Variants in CUX2 observed in about 807,000 individuals in gnomAD.
The protein encoded by CUX2 is homeobox protein cut-like 2.
In CUX2, 40 loss-of-function variants were observed where a neutral mutation model predicts 144.8. The ratio of observed to expected loss-of-function variants is 0.28; its 90% CI spans 0.21 to 0.36. CUX2 has a LOEUF of 0.36. CUX2 is among the 10% of genes least tolerant of loss of function. CUX2 has a pLI of 1.00. For synonymous variants in CUX2, 827 were observed against 875.6 expected, an observed-to-expected ratio of 0.94 and a Z score of 0.98; for missense variants, 1,615 against 1,994.0, an observed-to-expected ratio of 0.81 and a Z score of 3.62.
At position 111,347,575 on chromosome 12, in the gene CUX2, C is replaced by G. The variant is rs536169189; in HGVS notation, c.3711C>G (p.Asp1237Glu). The G allele has an allele frequency of 6.2e-7, 1 of 1,612,760 alleles. No individual in the cohort carries two copies. Among genetic ancestry groups the G allele is most frequent in the African/African-American group, 1.3e-5 (1 of 74,912 alleles). ...MLVEGTQDEPDLDPSGGPGIL... is the reference protein window; with the variant it reads ...MLVEGTQDEPELDPSGGPGIL... ...TGGAGGGGACCCAGGATGAGCCAGA[C>G]CTTGATCCAAGCGGGGGTCCTGGAA... Residue 1237 changes from aspartate to glutamate, a missense_variant, in exon 22 of 22, where the codon GAC becomes GAG. Asp to Glu is a conservative substitution (Grantham distance 45). Transcript: ENST00000261726.
At chr12:111,052,881 C>T (rs1870344056) in intron 1 of CUX2, among the ~76,000 whole-genome samples, 1 of 152,202 alleles carries the variant, frequency 6.6e-6, no homozygotes, top group Non-Finnish European at 1.5e-5. Flanking sequence ...GAGTTGATCT[C>T]ACTGTGATGG....
rs566617785 is a variant in CUX2, at chr12:111,304,039, C to T, written c.754-171C>T. ...TGCTATTTCTTGTCCCCAGCCCAGA[C>T]AGGGCTCTGTGACTGGTCTTCATAG... On this transcript the variant is annotated intron_variant, in intron 9 of 21. Transcript: ENST00000261726. The surrounding 1 kb of genome is among the most constrained non-coding windows in gnomAD (Gnocchi z 4.7). 1.0e-5 allele frequency: 6 copies of T among 580,776 alleles called. No homozygotes were observed. In the South Asian group the frequency reaches 1.3e-4, roughly 12 times the overall value. The allele number at this position is 580,776 out of a possible 1,614,324, so 36.0% of individuals were successfully genotyped here.
At chr12:111,341,011 G>A (rs973289537) in intron 20 of CUX2, among the ~76,000 whole-genome samples, 2 of 152,166 alleles carry the variant, frequency 1.3e-5, no homozygotes, top group Non-Finnish European at 2.9e-5. Context: ...GTACTCTCGT[G>A]GCAAAACTGC....
chr12:111,302,899 T>TAAAA (rs35454022), intron 9 of CUX2, among the ~76,000 whole-genome samples: 2 of 109,468 alleles, frequency 1.8e-5, no homozygotes, highest in Non-Finnish European at 4.0e-5. Context: ...GACTCTGTCT[T>TAAAA]AAAAAAAAAA....
intron 2 of CUX2, among the ~76,000 whole-genome samples, chr12:111,216,176 A>T (rs911277516): frequency 6.6e-6 from 1 of 152,184 alleles, no homozygotes; most frequent in African/African-American, 2.4e-5. Context: ...CCCTCCCAGA[A>T]TGCTCAGATA....
chr12:111,296,612 C>T, intron 8 of CUX2, 73 bp downstream of exon 8: 1 of 1,386,180 alleles, frequency 7.2e-7, no homozygotes, highest in Non-Finnish European at 1.0e-6. Context: ...TCTGACCCTC[C>T]AGTACTTGCC....
chr12:111,310,307 C>A lies in CUX2; in HGVS notation c.1525C>A (p.Pro509Thr), dbSNP rs1345506674. The change falls in exon 15 of 22, where the codon CCA becomes ACA. Residue 509 changes from proline to threonine, a missense_variant. By Grantham distance (38) the Pro-to-Thr change is conservative. Coordinates refer to ENST00000261726, the MANE Select transcript of CUX2 (RefSeq NM_015267.4). This position sits in a 1 kb window ranked among gnomAD's most constrained non-coding sequence, Gnocchi z 7.9. ...GGCGGGCGGCCTGCTGGTGTTCCCC[C>A]CAGCCTTCTATGGCGCCAAGCCCCC... The part of the protein sequence containing the change: ...GEAGGLLVFP[P>T]AFYGAKPPTA... 6.7e-7 allele frequency: 1 copy of A among 1,503,412 alleles called. No homozygotes were observed. Among genetic ancestry groups the A allele is most frequent in the South Asian group, 1.3e-5 (1 of 75,316 alleles). The allele number at this position is 1,503,412 out of a possible 1,614,324, so 93.1% of individuals were successfully genotyped here. A position where few individuals can be genotyped will look rare whatever the true frequency, so the allele number is the denominator to read the frequency against.
At chr12:111,065,331 TG>T (rs1870974432) in intron 1 of CUX2, among the ~76,000 whole-genome samples, 1 of 152,198 alleles carries the variant, frequency 6.6e-6, no homozygotes, top group Non-Finnish European at 1.5e-5. Context: ...TGCTCACCCT[TG>T]TTTTTTGGTT....
At chr12:111,197,820 A>G (rs1455203097) in intron 1 of CUX2, among the ~76,000 whole-genome samples, 2 of 152,170 alleles carry the variant, frequency 1.3e-5, no homozygotes, top group African/African-American at 4.8e-5. Flanking sequence ...GTGAAATAAC[A>G]CAGCCCCAAA....
rs1226889490 is a variant in CUX2 at position 111,312,383 on chromosome 12, G to A, written c.2002+182G>A. 6.6e-6 allele frequency among the ~76,000 whole-genome samples: 1 copy of A among 152,118 alleles called. No individual in the cohort carries two copies. Among genetic ancestry groups the A allele is most frequent in the Non-Finnish European group, 1.5e-5 (1 of 68,014 alleles). ...TGGCACTGCTCAGAACCCTGCCATGGTTCCACACAGCTCTCAACATAAAAT... is the reference window on the plus strand; with the variant it reads ...TGGCACTGCTCAGAACCCTGCCATGATTCCACACAGCTCTCAACATAAAAT... On this transcript the variant is annotated intron_variant, in intron 16 of 21. Transcript: ENST00000261726. This position sits in a 1 kb window ranked among gnomAD's most constrained non-coding sequence, Gnocchi z 4.3.
intron 1 of CUX2, among the ~76,000 whole-genome samples, chr12:111,105,311 A>C (rs1000649486): frequency 2.6e-5 from 4 of 152,170 alleles, no homozygotes; most frequent in Non-Finnish European, 5.9e-5. Flanking sequence ...TTTTGGAATG[A>C]TCAGCCATGG....
At chr12:111,283,480 G>A (rs879322576) in intron 4 of CUX2, among the ~76,000 whole-genome samples, 4 of 152,134 alleles carry the variant, frequency 2.6e-5, no homozygotes, top group Non-Finnish European at 4.4e-5. Context: ...AATAATAAGA[G>A]CAGCACTCAT....
chr12:111,087,366 CAAAAAAAAAAAAA>C (rs1159500448), intron 1 of CUX2, among the ~76,000 whole-genome samples: 3 of 45,052 alleles, frequency 6.7e-5, no homozygotes, highest in East Asian at 5.3e-4. Flanking sequence ...GACTCCATCT[CAAAAAAAAAAAAA>C]AAAAAAAAAA....
At chr12:111,164,460 C>G (rs1877993710) in intron 1 of CUX2, among the ~76,000 whole-genome samples, 1 of 152,004 alleles carries the variant, frequency 6.6e-6, no homozygotes, top group African/African-American at 2.4e-5. Flanking sequence ...CTTGTAATCC[C>G]AGCTACTTGG....
chr12:111,080,555 CAT>C (rs1319297689), intron 1 of CUX2, among the ~76,000 whole-genome samples: 2 of 152,052 alleles, frequency 1.3e-5, no homozygotes, highest in Non-Finnish European at 2.9e-5. Context: ...GCTATGCACT[CAT>C]AGTCCTAGCT....
intron 1 of CUX2, among the ~76,000 whole-genome samples, chr12:111,199,882 G>T (rs59528391): frequency 0.014 from 2,065 of 152,088 alleles, 49 homozygotes; most frequent in African/African-American, 0.047. Flanking sequence ...TTTATGTCTC[G>T]TGTGTCTGTG....
At chr12:111,265,752 G>A (rs1309548586) in intron 4 of CUX2, among the ~76,000 whole-genome samples, 4 of 152,220 alleles carry the variant, frequency 2.6e-5, no homozygotes, top group South Asian at 4.1e-4. Flanking sequence ...GGCAGAGCCC[G>A]GAGGAGGCCT....
Position 111,312,149 on chromosome 12 carries a change from C to T in CUX2, c.1950C>T (p.Ala650=), listed in dbSNP as rs1311194655. ...IRTPETGSDD[A]IKSILEQAKK... The stretch of plus-strand genomic sequence containing the variant: ...CGCCTGAGACAGGCTCAGACGACGC[C>T]ATCAAGAGCATTCTAGAGCAGGCCA... Residue 650 remains alanine, a synonymous_variant, in exon 16 of 22, where the codon GCC becomes GCT. Transcript: ENST00000261726. The surrounding 1 kb of genome is among the most constrained non-coding windows in gnomAD (Gnocchi z 4.3). 1 of 1,612,502 alleles carries T rather than the reference C, an allele frequency of 6.2e-7. No individual in the cohort carries two copies. Among genetic ancestry groups the T allele is most frequent in the Admixed American group, 1.7e-5 (1 of 59,986 alleles).
chr12:111,109,255 G>GGA (rs1371465263), intron 1 of CUX2, among the ~76,000 whole-genome samples: 2 of 152,176 alleles, frequency 1.3e-5, no homozygotes, highest in Non-Finnish European at 1.5e-5. Context: ...TTACCCTGAA[G>GGA]GAAAGTATGT....
Sources: allele counts gnomAD v4.1 joint callset (sites outside exome capture counted in the v4.1 genomes callset), GRCh38; gene constraint gnomAD v4.1.1; non-coding constraint Gnocchi (gnomAD v3.1); transcripts MANE v1.5; gene names NCBI Gene and HGNC (gene_info 2026-07-23, HGNC 2026-07-21).